The following PRKCB variants were observed in gnomAD, a reference collection of about 807,000 sequenced individuals.
The protein encoded by PRKCB is protein kinase C beta.
In PRKCB, 13 loss-of-function variants were observed where a neutral mutation model predicts 81.5. The observed-to-expected ratio is 0.16, with a 90% CI of 0.10 to 0.25. The LOEUF (loss-of-function observed/expected upper bound fraction) is 0.25, where lower values mean the gene tolerates loss of function less well. Among genes scored for constraint, PRKCB ranks in the 10% least tolerant of loss-of-function variants. The pLI, the probability that PRKCB is intolerant of heterozygous loss-of-function variation, is 1.00. For missense variants in PRKCB, 509 were observed against 875.7 expected, an observed-to-expected ratio of 0.58 and a Z score of 5.29; for synonymous variants, 335 against 321.4, an observed-to-expected ratio of 1.04 and a Z score of -0.45.
chr16:24,063,542 G>A (rs376218237), intron 5 of PRKCB, among the ~76,000 whole-genome samples: 13 of 152,228 alleles, frequency 8.5e-5, no homozygotes, highest in African/African-American at 2.2e-4. Flanking sequence ...TGATCCGCCC[G>A]CCTTGGCCTC....
chr16:24,218,530 A>G lies in PRKCB; in HGVS notation c.*3714A>G, dbSNP rs1486694036. ...GCCCACCTCACTCCCACACCCTCAC[A>G]TAGACTTGGCAAGAGTAAGGAGGGA... On this transcript the variant is annotated 3_prime_UTR_variant, in exon 17 of 17. Coordinates refer to ENST00000643927, the MANE Select transcript of PRKCB (RefSeq NM_002738.7). 1.0e-6 allele frequency: 1 copy of G among 985,306 alleles called. No individual in the cohort carries two copies. The highest frequency in any genetic ancestry group is 6.1e-5 in the Admixed American group (1 of 16,268). The allele number at this position is 985,306 out of a possible 1,614,324, so 61.0% of individuals were successfully genotyped here.
At chr16:23,982,043 C>CCCCTTCCCTTT (rs1964731214) in intron 2 of PRKCB, among the ~76,000 whole-genome samples, 1 of 105,924 alleles carries the variant, frequency 9.4e-6, no homozygotes, top group Admixed American at 9.0e-5. Context: ...CCTTCACCTT[C>CCCCTTCCCTTT]CCCTTCCCTT....
chr16:24,191,371 A>G (rs1335531397), intron 16 of PRKCB, 141 bp downstream of exon 16: 1 of 899,378 alleles, frequency 1.1e-6, no homozygotes. Context: ...ACACATATGC[A>G]CAAAATCACT....
chr16:24,172,714 C>T (rs542099062), intron 11 of PRKCB, among the ~76,000 whole-genome samples: 7 of 152,100 alleles, frequency 4.6e-5, no homozygotes, highest in East Asian at 3.9e-4. Flanking sequence ...GGCATGGTGG[C>T]GCACAGCTGT....
chr16:23,933,943 CCA>C (rs1964020197), intron 2 of PRKCB, among the ~76,000 whole-genome samples: 2 of 131,062 alleles, frequency 1.5e-5, no homozygotes, highest in Non-Finnish European at 3.3e-5. Flanking sequence ...ATCCATCCAT[CCA>C]TCCATCCACC....
intron 2 of PRKCB, among the ~76,000 whole-genome samples, chr16:23,975,348 C>T (rs1298255685): frequency 6.6e-6 from 1 of 152,112 alleles, no homozygotes; most frequent in Non-Finnish European, 1.5e-5. Context: ...GGCTGTCACT[C>T]CTTGTCATGT....
intron 2 of PRKCB, among the ~76,000 whole-genome samples, chr16:23,875,915 G>T (rs1297102042): frequency 1.3e-5 from 2 of 152,170 alleles, no homozygotes; most frequent in Non-Finnish European, 2.9e-5. Flanking sequence ...GCCCAAGTCT[G>T]CATTCCTTCA....
chr16:23,881,161 G>C (rs1290016686), intron 2 of PRKCB, among the ~76,000 whole-genome samples: 1 of 152,018 alleles, frequency 6.6e-6, no homozygotes, highest in Admixed American at 6.5e-5. Flanking sequence ...CCAGGCCCAT[G>C]AGTCTCTGTG....
At chr16:23,964,351 G>A (rs1225253663) in intron 2 of PRKCB, among the ~76,000 whole-genome samples, 2 of 152,200 alleles carry the variant, frequency 1.3e-5, no homozygotes. Context: ...AGCTGTGCCT[G>A]TTTGTTTATG....
At position 24,029,272 on chromosome 16, in the gene PRKCB, T is replaced by C. The variant is rs1369296885; in HGVS notation, c.289-2864T>C. 2.0e-5 allele frequency among the ~76,000 whole-genome samples: 3 copies of C among 152,350 alleles called. No homozygotes were observed. In the South Asian group the frequency reaches 6.2e-4, roughly 32 times the overall value. On this transcript the variant is annotated intron_variant, in intron 3 of 16. Transcript: ENST00000643927. Reference sequence around the variant, plus strand: ...ACCTAAATCTCATCTTGAATTGTAATCCTCATAATCCACACATGTCAAGGG... The same window carrying C: ...ACCTAAATCTCATCTTGAATTGTAACCCTCATAATCCACACATGTCAAGGG...
intron 10 of PRKCB, among the ~76,000 whole-genome samples, chr16:24,161,511 GT>G (rs967873148): frequency 6.6e-6 from 1 of 152,086 alleles, no homozygotes; most frequent in African/African-American, 2.4e-5. Flanking sequence ...AGTTGTTTAA[GT>G]TTTTTTTAAT....
intron 10 of PRKCB, among the ~76,000 whole-genome samples, chr16:24,170,013 C>A (rs1424426148): frequency 6.6e-6 from 1 of 152,182 alleles, no homozygotes. Flanking sequence ...AGCTCCTGAC[C>A]TCAGGAGATC....
At chr16:24,077,397 C>CTCCA (rs5816242) in intron 5 of PRKCB, among the ~76,000 whole-genome samples, 5,143 of 150,506 alleles carry the variant, frequency 0.034, 226 homozygotes, top group African/African-American at 0.1. Flanking sequence ...GCATTCATCT[C>CTCCA]TCCATCCATC....
intron 2 of PRKCB, among the ~76,000 whole-genome samples, chr16:23,933,768 C>CTCCATCCATCCA (rs377110328): frequency 8.0e-6 from 1 of 125,626 alleles, no homozygotes; most frequent in Admixed American, 8.0e-5. Context: ...CATCTATCCA[C>CTCCATCCATCCA]TCCATCCATC....
At chr16:24,050,196 A>C (rs1965823467) in intron 5 of PRKCB, among the ~76,000 whole-genome samples, 1 of 152,182 alleles carries the variant, frequency 6.6e-6, no homozygotes, top group Non-Finnish European at 1.5e-5. Context: ...CAAGTGAGGC[A>C]GCCCCAACTC....
chr16:24,150,731 A>G (rs1685310065), intron 9 of PRKCB, among the ~76,000 whole-genome samples: 1 of 152,254 alleles, frequency 6.6e-6, no homozygotes, highest in Non-Finnish European at 1.5e-5. Context: ...AAGTTTTATT[A>G]GACTACGGCC....
intron 2 of PRKCB, among the ~76,000 whole-genome samples, chr16:23,884,356 T>C (rs1175900902): frequency 6.6e-6 from 1 of 152,236 alleles, no homozygotes; most frequent in Admixed American, 6.5e-5. Context: ...ACATTTGTCA[T>C]ATATTTATAT....
At chr16:23,923,512 C>G (rs867222544) in intron 2 of PRKCB, among the ~76,000 whole-genome samples, 3 of 152,132 alleles carry the variant, frequency 2.0e-5, no homozygotes, top group South Asian at 2.1e-4. Flanking sequence ...GGAATTAACA[C>G]TACCTGAATT....
At chr16:23,965,474 T>C (rs1008361526) in intron 2 of PRKCB, among the ~76,000 whole-genome samples, 4 of 152,226 alleles carry the variant, frequency 2.6e-5, no homozygotes, top group African/African-American at 7.2e-5. Flanking sequence ...TAGCACATAA[T>C]AGACATTCAG....
Sources: gnomAD v4.1 joint callset for allele counts (sites outside exome capture counted in the v4.1 genomes callset) on GRCh38, gnomAD v4.1.1 for gene constraint, MANE v1.5 for transcripts, NCBI Gene and HGNC (gene_info 2026-07-23, HGNC 2026-07-21) for gene names.